Variants in NPSR1 observed in about 807,000 individuals in gnomAD.
NPSR1 encodes the protein neuropeptide S receptor 1, also known as neuropeptide S receptor.
NPSR1 carries 48 observed loss-of-function variants against 46.9 expected under a neutral mutation model. The observed-to-expected ratio is 1.02, with a 90% confidence interval of 0.81 to 1.30. NPSR1 has a LOEUF of 1.30. NPSR1 is among the 50% of genes most tolerant of loss of function. The pLI is 0.00. For synonymous variants in NPSR1, 176 were observed against 168.1 expected, an observed-to-expected ratio of 1.05 and a Z score of -0.36; for missense variants, 450 against 449.5, an observed-to-expected ratio of 1.00 and a Z score of -0.01.
Position 34,778,541 on chromosome 7 carries a change from T to C in NPSR1, c.360T>C (p.Val120=). ...FTGDFTAPDL[V]CRVVRYLQVV... ...GAGACTTCACGGCACCTGACCTGGT[T>C]TGCCGAGTGGTCCGCTATTTGCAGG... Residue 120 remains valine (V), a synonymous_variant, in exon 3 of 9, where the codon GTT becomes GTC. Transcript: ENST00000360581. 1 of 1,612,268 alleles carries C rather than the reference T, an allele frequency of 6.2e-7. No individual in the cohort carries two copies. Among genetic ancestry groups the C allele is most frequent in the Non-Finnish European group, 8.5e-7 (1 of 1,178,640 alleles).
At chr7:34,693,827 A>G (rs1793382899) in intron 2 of NPSR1, among the ~76,000 whole-genome samples, 1 of 152,232 alleles carries the variant, frequency 6.6e-6, no homozygotes, top group Non-Finnish European at 1.5e-5. Flanking sequence ...TATTCCATGG[A>G]TGCAAGGATG....
At position 34,791,016 on chromosome 7, in the gene NPSR1, A is replaced by T. The variant is rs533289800; in HGVS notation, c.384+12451A>T. Among the ~76,000 whole-genome samples the T allele has an allele frequency of 8.3e-3, 948 of 113,702 alleles. 20 individuals are homozygous for T. The highest frequency in any genetic ancestry group is 0.01 in the Non-Finnish European group (641 of 62,800). 74.6% of individuals were successfully genotyped at this position (113,702 alleles called of 152,430 possible). A position where few individuals can be genotyped will look rare whatever the true frequency, so the allele number is the denominator to read the frequency against. ...TATGTTATATGTTATATGTTATATT[A>T]TATATGTTATATGTTATATATTATA... On this transcript the variant is annotated intron_variant, in intron 3 of 8. Coordinates refer to ENST00000360581, the MANE Select transcript of NPSR1 (RefSeq NM_207172.2).
At chr7:34,862,652 G>C (rs1448696029) in intron 8 of NPSR1, among the ~76,000 whole-genome samples, 3 of 151,720 alleles carry the variant, frequency 2.0e-5, no homozygotes, top group Non-Finnish European at 4.4e-5. Flanking sequence ...AGGGAGCTCT[G>C]ATGTGGGTCA....
chr7:34,837,278 T>G (rs1373279567), intron 6 of NPSR1, among the ~76,000 whole-genome samples: 1 of 152,242 alleles, frequency 6.6e-6, no homozygotes, highest in African/African-American at 2.4e-5. Context: ...GTATATTCAT[T>G]TTTTAAAACC....
chr7:34,745,640 T>A (rs539231686), intron 2 of NPSR1, among the ~76,000 whole-genome samples: 1 of 152,106 alleles, frequency 6.6e-6, no homozygotes, highest in Non-Finnish European at 1.5e-5. Flanking sequence ...CATCTCAGCC[T>A]CCCAAGTAGC....
intron 2 of NPSR1, among the ~76,000 whole-genome samples, chr7:34,758,809 T>C (rs1786013699): frequency 6.6e-6 from 1 of 152,244 alleles, no homozygotes. Context: ...TCACCAATTA[T>C]CCCAAGAACA....
rs188138310 is a variant in NPSR1 at position 34,713,300 on chromosome 7, A to G, written c.280+28616A>G. Among the ~76,000 whole-genome samples, 103 of 152,296 alleles carry G rather than the reference A, an allele frequency of 6.8e-4. 1 individual carries two copies. The highest frequency in any genetic ancestry group is 1.5e-4 in the Non-Finnish European group (10 of 68,018). Reference sequence around the variant, plus strand: ...GTTTGCCTCTTTTAGGAGTCAGTATATTCGTAGTTTTGCTAGCACAGTCCT... The same window carrying G: ...GTTTGCCTCTTTTAGGAGTCAGTATGTTCGTAGTTTTGCTAGCACAGTCCT... On this transcript the variant is annotated intron_variant, in intron 2 of 8. Transcript: ENST00000360581.
intron 1 of NPSR1, among the ~76,000 whole-genome samples, chr7:34,662,185 AAT>A (rs1033794112): frequency 3.9e-5 from 6 of 152,322 alleles, no homozygotes; most frequent in Admixed American, 3.9e-4. Context: ...AATATCACCT[AAT>A]AACAATCTTT....
At chr7:34,761,882 G>T (rs1217082857) in intron 2 of NPSR1, among the ~76,000 whole-genome samples, 2 of 152,178 alleles carry the variant, frequency 1.3e-5, no homozygotes, top group Non-Finnish European at 1.5e-5. Flanking sequence ...GAGTGAGGAG[G>T]AGAAATAGTG....
intron 2 of NPSR1, among the ~76,000 whole-genome samples, chr7:34,759,004 C>G (rs1453151700): frequency 1.3e-5 from 2 of 152,128 alleles, no homozygotes; most frequent in Non-Finnish European, 2.9e-5. Context: ...ATGTTTCCTT[C>G]TGAATAGATT....
intron 2 of NPSR1, among the ~76,000 whole-genome samples, chr7:34,744,210 T>A (rs974326325): frequency 6.6e-6 from 1 of 152,242 alleles, no homozygotes; most frequent in Non-Finnish European, 1.5e-5. Context: ...GTATTCAATA[T>A]AGAGTATCTC....
intron 1 of NPSR1, among the ~76,000 whole-genome samples, chr7:34,669,811 A>G (rs1215541767): frequency 6.6e-6 from 1 of 152,210 alleles, no homozygotes; most frequent in Non-Finnish European, 1.5e-5. Context: ...CATAGCTGGT[A>G]GATGGTAGAG....
intron 2 of NPSR1, among the ~76,000 whole-genome samples, chr7:34,749,400 A>T (rs1024448503): frequency 1.3e-5 from 2 of 152,220 alleles, no homozygotes; most frequent in Admixed American, 1.3e-4. Flanking sequence ...GTAAAGGAAG[A>T]TGTTCATTAT....
chr7:34,845,126 G>GC (rs1790697847), intron 7 of NPSR1, 144 bp downstream of exon 7: 1 of 668,720 alleles, frequency 1.5e-6, no homozygotes, highest in Non-Finnish European at 2.7e-6. Context: ...AAACTCATCA[G>GC]CCCATTCATG....
At chr7:34,738,280 G>T (rs945544198) in intron 2 of NPSR1, among the ~76,000 whole-genome samples, 6 of 152,156 alleles carry the variant, frequency 3.9e-5, no homozygotes, top group African/African-American at 1.4e-4. Flanking sequence ...GATGTTTCTT[G>T]AATGCCTGGT....
At chr7:34,670,564 T>A (rs1045461959) in intron 1 of NPSR1, among the ~76,000 whole-genome samples, 1 of 151,076 alleles carries the variant, frequency 6.6e-6, no homozygotes, top group African/African-American at 2.4e-5. Context: ...ACTAAGAAAA[T>A]TATTTGCAAT....
intron 2 of NPSR1, among the ~76,000 whole-genome samples, chr7:34,725,824 G>A (rs760973874): frequency 3.5e-4 from 53 of 152,180 alleles, no homozygotes; most frequent in Admixed American, 5.9e-4. Flanking sequence ...TAATCTCCAC[G>A]TGTCAAGGGT....
chr7:34,749,702 T>C (rs113119324), intron 2 of NPSR1, among the ~76,000 whole-genome samples: 94 of 152,344 alleles, frequency 6.2e-4, no homozygotes, highest in African/African-American at 2.2e-3. Context: ...CAATCACAGC[T>C]TGGCCCTGAT....
At chr7:34,836,633 GA>G (rs1790380955) in intron 6 of NPSR1, among the ~76,000 whole-genome samples, 6 of 145,600 alleles carry the variant, frequency 4.1e-5, no homozygotes, top group African/African-American at 1.0e-4. Context: ...AAAGAAGAAA[GA>G]AAGAAAGAAA....
Sources: allele counts gnomAD v4.1 joint callset (sites outside exome capture counted in the v4.1 genomes callset), GRCh38; gene constraint gnomAD v4.1.1; transcripts MANE v1.5; gene names NCBI Gene and HGNC (gene_info 2026-07-23, HGNC 2026-07-21).